GAS2: variants seen among roughly 807,000 people sequenced by gnomAD.
GAS2 encodes growth arrest specific 2.
GAS2 carries 20 observed loss-of-function variants against 37.5 expected under a neutral mutation model. The ratio of observed to expected loss-of-function variants is 0.53; its 90% CI spans 0.37 to 0.77. The LOEUF is 0.77. Among genes scored for constraint, GAS2 ranks in the 30% least tolerant of loss-of-function variants. The pLI is 0.00. For missense variants in GAS2, 336 were observed against 373.4 expected (o/e 0.90, Z 0.82); for synonymous variants, 144 against 132.2 (o/e 1.09, Z -0.61).
chr11:22,781,165 C>A (rs1235999647), intron 7 of GAS2, among the ~76,000 whole-genome samples: 3 of 152,134 alleles, frequency 2.0e-5, no homozygotes, highest in Non-Finnish European at 4.4e-5. Flanking sequence ...CTTTGGCAAA[C>A]AAGGGACAGC....
At chr11:22,690,191 A>G (rs1850171974) in intron 3 of GAS2, among the ~76,000 whole-genome samples, 1 of 152,194 alleles carries the variant, frequency 6.6e-6, no homozygotes, top group Admixed American at 6.6e-5. Flanking sequence ...GTCTGTATTA[A>G]GGATGATTTA....
chr11:22,790,563 A>ATCC, intron 7 of GAS2, among the ~76,000 whole-genome samples: 1 of 151,496 alleles, frequency 6.6e-6, no homozygotes, highest in Non-Finnish European at 1.5e-5. Flanking sequence ...CTCGGCTGAA[A>ATCC]GTATCCTCAA....
chr11:22,679,103 T>C (rs971409094), intron 2 of GAS2, among the ~76,000 whole-genome samples: 3 of 152,050 alleles, frequency 2.0e-5, no homozygotes, highest in African/African-American at 2.4e-5. Flanking sequence ...CATGTAATAT[T>C]CACTGACTAT....
intron 3 of GAS2, among the ~76,000 whole-genome samples, chr11:22,711,529 A>G (rs1851405565): frequency 6.6e-6 from 1 of 152,228 alleles, no homozygotes; most frequent in Non-Finnish European, 1.5e-5. Context: ...CAAGTGCAGA[A>G]GCCACAGATG....
chr11:22,638,929 A>C (rs746379081), intron 1 of GAS2, among the ~76,000 whole-genome samples: 2 of 152,054 alleles, frequency 1.3e-5, no homozygotes, highest in Non-Finnish European at 2.9e-5. Flanking sequence ...TCTGAGGGCA[A>C]ATATTATGGG....
At chr11:22,773,812 C>A (rs186004315) in intron 7 of GAS2, among the ~76,000 whole-genome samples, 4 of 152,194 alleles carry the variant, frequency 2.6e-5, no homozygotes, top group African/African-American at 9.6e-5. Flanking sequence ...CCTGACCTCG[C>A]TTCCACAGCA....
chr11:22,733,340 G>A (rs1852578267), intron 4 of GAS2, among the ~76,000 whole-genome samples: 1 of 151,632 alleles, frequency 6.6e-6, no homozygotes, highest in South Asian at 2.1e-4. Flanking sequence ...ATTTTTATAA[G>A]TGAACAACAT....
chr11:22,783,741 G>T (rs1212695424), intron 7 of GAS2, among the ~76,000 whole-genome samples: 2 of 152,114 alleles, frequency 1.3e-5, no homozygotes, highest in Non-Finnish European at 2.9e-5. Context: ...TGTCAAGAAG[G>T]ATATTTCCTA....
intron 1 of GAS2, among the ~76,000 whole-genome samples, chr11:22,652,316 C>G (rs1264841392): frequency 6.6e-6 from 1 of 152,330 alleles, no homozygotes. Flanking sequence ...AACCACTGCT[C>G]TCTTCAAAGC....
At chr11:22,695,779 GA>G (rs1247901042) in intron 3 of GAS2, among the ~76,000 whole-genome samples, 1 of 152,020 alleles carries the variant, frequency 6.6e-6, no homozygotes, top group Admixed American at 6.6e-5. Context: ...TTGAAATAAA[GA>G]AAAAATTTCA....
At chr11:22,757,386 A>T (rs2134341939) in intron 7 of GAS2, among the ~76,000 whole-genome samples, 1 of 152,200 alleles carries the variant, frequency 6.6e-6, no homozygotes, top group East Asian at 1.9e-4. Flanking sequence ...TTCATGCATT[A>T]TTTATAGAGA....
At chr11:22,654,307 A>G (rs1848830767) in intron 1 of GAS2, among the ~76,000 whole-genome samples, 1 of 152,110 alleles carries the variant, frequency 6.6e-6, no homozygotes. Flanking sequence ...GGATATTTTT[A>G]AACCCCTCTA....
chr11:22,732,813 A>AT (rs1852549409), intron 4 of GAS2, among the ~76,000 whole-genome samples: 1 of 151,026 alleles, frequency 6.6e-6, no homozygotes, highest in Non-Finnish European at 1.5e-5. Context: ...CATCATCATC[A>AT]CCACCACCAT....
At chr11:22,648,233 T>C (rs1848727630) in intron 1 of GAS2, among the ~76,000 whole-genome samples, 1 of 151,948 alleles carries the variant, frequency 6.6e-6, no homozygotes, top group South Asian at 2.1e-4. Context: ...CAGATAGTTG[T>C]AGATATGCGG....
intron 4 of GAS2, among the ~76,000 whole-genome samples, chr11:22,730,783 G>A (rs1852433265): frequency 6.6e-6 from 1 of 151,646 alleles, no homozygotes. Context: ...TATAGCTATA[G>A]AAGGCTCTAG....
At chr11:22,670,300 CTG>C (rs35029645) in intron 1 of GAS2, among the ~76,000 whole-genome samples, 47,444 of 151,600 alleles carry the variant, frequency 0.31, 7,886 homozygotes, top group African/African-American at 0.44. Context: ...ACAGTTGAGT[CTG>C]TGTGTGTAGA....
At chr11:22,692,460 A>C (rs1342046559) in intron 3 of GAS2, among the ~76,000 whole-genome samples, 1 of 152,194 alleles carries the variant, frequency 6.6e-6, no homozygotes, top group African/African-American at 2.4e-5. Context: ...CCATCAATAT[A>C]TGTAAGAAGT....
intron 3 of GAS2, among the ~76,000 whole-genome samples, chr11:22,720,398 T>G (rs189244): frequency 1.3e-5 from 2 of 151,816 alleles, no homozygotes; most frequent in Non-Finnish European, 2.9e-5. Flanking sequence ...TACCACAAAG[T>G]TTTTTTTCCC....
chr11:22,672,939 G>C (rs1271869384), intron 1 of GAS2, among the ~76,000 whole-genome samples: 4 of 151,970 alleles, frequency 2.6e-5, no homozygotes. Flanking sequence ...AAAAAGTGGT[G>C]TTCTGATTCC....
Sources: gnomAD v4.1 joint callset for allele counts (sites outside exome capture counted in the v4.1 genomes callset) on GRCh38, gnomAD v4.1.1 for gene constraint, MANE v1.5 for transcripts, NCBI Gene and HGNC (gene_info 2026-07-23, HGNC 2026-07-21) for gene names.